The following SUSD3 variants were observed in gnomAD, a reference collection of about 807,000 sequenced individuals.
SUSD3 encodes the protein sushi domain-containing protein 3.
Under a neutral mutation model 20.6 loss-of-function variants are expected in SUSD3, and 18 were observed. The ratio of observed to expected loss-of-function variants is 0.87; its 90% CI spans 0.60 to 1.30. The LOEUF (loss-of-function observed/expected upper bound fraction) is 1.30, where lower values mean the gene tolerates loss of function less well. Among genes scored for constraint, SUSD3 ranks in the 50% most tolerant of loss-of-function variants. The probability of loss-of-function intolerance (pLI) is 0.00; values close to 1 mark genes in which losing one functional copy is unlikely to be tolerated. For synonymous variants in SUSD3, 137 were observed against 141.5 expected (o/e 0.97, Z 0.23); for missense variants, 306 against 346.9 (o/e 0.88, Z 0.94).
Position 93,084,948 on chromosome 9 carries a change from G to C in SUSD3, c.*201G>C. The C allele has an allele frequency of 2.2e-6, 1 of 461,056 alleles. No individual in the cohort carries two copies. The highest frequency in any genetic ancestry group is 3.7e-6 in the Non-Finnish European group (1 of 267,104). The allele number at this position is 461,056 out of a possible 1,614,324, so 28.6% of individuals were successfully genotyped here. A position where few individuals can be genotyped will look rare whatever the true frequency, so the allele number is the denominator to read the frequency against. On this transcript the variant is annotated 3_prime_UTR_variant, in exon 5 of 5. Coordinates refer to ENST00000375472, the MANE Select transcript of SUSD3 (RefSeq NM_145006.4). ...ACCCCAGTGGGGAGTGTTCTGTTCC[G>C]GCATATCCTGGCCGTAACGATTTTT...
intron 1 of SUSD3, among the ~76,000 whole-genome samples, chr9:93,065,202 G>A (rs1825660227): frequency 6.6e-6 from 1 of 152,206 alleles, no homozygotes; most frequent in Non-Finnish European, 1.5e-5. Context: ...CAGCAGAGTT[G>A]AAAGAATTTT....
intron 4 of SUSD3, 149 bp downstream of exon 4, chr9:93,079,751 A>C: frequency 2.5e-6 from 2 of 790,776 alleles, no homozygotes; most frequent in Non-Finnish European, 3.9e-6. Context: ...CTCTAAAACA[A>C]GAGGCTGGTG....
At chr9:93,065,438 C>G (rs1311715469) in intron 1 of SUSD3, among the ~76,000 whole-genome samples, 1 of 152,250 alleles carries the variant, frequency 6.6e-6, no homozygotes, top group South Asian at 2.1e-4. Flanking sequence ...CCCTCGCCAA[C>G]CTCTCCTCCC....
chr9:93,072,727 G>A (rs917697910), intron 1 of SUSD3, among the ~76,000 whole-genome samples: 17 of 152,238 alleles, frequency 1.1e-4, no homozygotes, highest in Admixed American at 4.6e-4. Context: ...CTGGGGGATG[G>A]TATGCAGCCT....
chr9:93,078,034 C>T, intron 3 of SUSD3, 41 bp downstream of exon 3: 1 of 1,613,330 alleles, frequency 6.2e-7, no homozygotes, highest in Non-Finnish European at 8.5e-7. Context: ...CCGGGAGGCG[C>T]CTCTTGGCAC....
At chr9:93,083,678 C>G (rs1161302013) in intron 4 of SUSD3, among the ~76,000 whole-genome samples, 2 of 152,238 alleles carry the variant, frequency 1.3e-5, no homozygotes, top group Non-Finnish European at 2.9e-5. Flanking sequence ...GTCAGTCTGG[C>G]TCCTGCCTCC....
chr9:93,065,255 G>A (rs530324920), intron 1 of SUSD3, among the ~76,000 whole-genome samples: 4 of 152,270 alleles, frequency 2.6e-5, no homozygotes, highest in East Asian at 1.9e-4. Flanking sequence ...TTCGCATTTC[G>A]CTGTGCCTGC....
At position 93,058,839 on chromosome 9, in the gene SUSD3, TG is replaced by T. The variant is rs1438251539; in HGVS notation, c.88+13del. On this transcript the variant is annotated intron_variant, in intron 1 of 4. Coordinates refer to ENST00000375472, the MANE Select transcript of SUSD3 (RefSeq NM_145006.4). ...CCCAGGGAACCGCACAGGTGAGGGC[TG>T]GGGCCGAGTGGCCGCGTGCGGGGCT... 7.9e-7 allele frequency: 1 copy of T among 1,263,024 alleles called. No individual in the cohort carries two copies. Among genetic ancestry groups the T allele is most frequent in the African/African-American group, 1.5e-5 (1 of 64,550 alleles). 78.2% of individuals were successfully genotyped at this position (1,263,024 alleles called of 1,614,324 possible).
intron 1 of SUSD3, among the ~76,000 whole-genome samples, chr9:93,061,864 G>C: frequency 6.6e-6 from 1 of 152,212 alleles, no homozygotes; most frequent in Non-Finnish European, 1.5e-5. Context: ...GTCTAGGTGA[G>C]ACTGGGTTCA....
rs761842714 is a variant in SUSD3 at position 93,070,078 on chromosome 9, C to T, written c.89-5706C>T. Among the ~76,000 whole-genome samples, 12 of 152,228 alleles carry T rather than the reference C, an allele frequency of 7.9e-5. 1 individual carries two copies. The highest frequency in any genetic ancestry group is 7.7e-4 in the East Asian group (4 of 5,188). On this transcript the variant is annotated intron_variant, in intron 1 of 4. Transcript: ENST00000375472. ...ACAGGCATGAGCCACCATGCCTGGC[C>T]GAGCCATTTGTTTTTCTTTTCTAAC...
rs80286741 is a variant in SUSD3 at position 93,061,804 on chromosome 9, T to C, written c.88+2974T>C. 6.8e-3 allele frequency among the ~76,000 whole-genome samples: 1,037 copies of C among 152,332 alleles called. 13 individuals are homozygous for C. The highest frequency in any genetic ancestry group is 0.023 in the African/African-American group (975 of 41,574). ...GTTCCTGTTTCACATTTGGGGGAACTGAGACCCAGATTGAGGTCACACAGG... is the reference window on the plus strand; with the variant it reads ...GTTCCTGTTTCACATTTGGGGGAACCGAGACCCAGATTGAGGTCACACAGG... On this transcript the variant is annotated intron_variant, in intron 1 of 4. Transcript: ENST00000375472.
intron 1 of SUSD3, among the ~76,000 whole-genome samples, chr9:93,066,201 G>A (rs1435373950): frequency 2.6e-5 from 4 of 152,158 alleles, no homozygotes; most frequent in Non-Finnish European, 5.9e-5. Context: ...TTTTAACCCT[G>A]ACAGAGATAA....
chr9:93,083,034 G>A (rs1377579299), intron 4 of SUSD3, among the ~76,000 whole-genome samples: 1 of 152,220 alleles, frequency 6.6e-6, no homozygotes, highest in Non-Finnish European at 1.5e-5. Context: ...AGTGGCCACA[G>A]ATCTGTGTAC....
Position 93,075,972 on chromosome 9 carries a change from C to A in SUSD3, c.277C>A (p.Leu93Met). 6.3e-7 allele frequency: 1 copy of A among 1,586,730 alleles called. No homozygotes were observed. Residue 93 changes from leucine to methionine, a missense_variant and splice_region_variant, in exon 2 of 5, where the codon CTG becomes ATG. Transcript: ENST00000375472. ...GTCTTCAGGGTCCCCAGTGTGCAAA[C>A]GTAAGGACCCCTCTCTCAGCTCGGT... is the stretch of plus-strand genomic sequence containing the variant. ...EWSSGSPVCKLVPPHETFGFK... is the reference protein window; with the variant it reads ...EWSSGSPVCKMVPPHETFGFK...
chr9:93,065,041 G>C (rs1825654596), intron 1 of SUSD3, among the ~76,000 whole-genome samples: 1 of 152,218 alleles, frequency 6.6e-6, no homozygotes, highest in Admixed American at 6.5e-5. Context: ...GCTCAGCAGT[G>C]GTTAAATGTC....
intron 1 of SUSD3, 35 bp from the exon 2 acceptor site, chr9:93,075,749 C>CCCCCCCA: frequency 4.6e-6 from 1 of 215,698 alleles, no homozygotes; most frequent in Non-Finnish European, 9.1e-6. Flanking sequence ...CACCCCCCCC[C>CCCCCCCA]CCCCGCCATG....
chr9:93,075,736 G>GGGGGGCCCCCC, intron 1 of SUSD3, 48 bp from the exon 2 acceptor site: 1 of 272,216 alleles, frequency 3.7e-6, no homozygotes. Context: ...TGCCCTGCGT[G>GGGGGGCCCCCC]CCCACCCCCC....
intron 1 of SUSD3, among the ~76,000 whole-genome samples, chr9:93,074,060 C>T (rs1826022108): frequency 6.6e-6 from 1 of 152,284 alleles, no homozygotes; most frequent in Non-Finnish European, 1.5e-5. Context: ...CATCCAGCCA[C>T]AGTAATCTTC....
At chr9:93,080,075 C>A (rs1337382983) in intron 4 of SUSD3, among the ~76,000 whole-genome samples, 1 of 152,146 alleles carries the variant, frequency 6.6e-6, no homozygotes, top group Non-Finnish European at 1.5e-5. Flanking sequence ...CACCTGTAAT[C>A]CCAGCAGTTT....
Sources: allele counts gnomAD v4.1 joint callset (sites outside exome capture counted in the v4.1 genomes callset), GRCh38; gene constraint gnomAD v4.1.1; transcripts MANE v1.5; gene names NCBI Gene and HGNC (gene_info 2026-07-23, HGNC 2026-07-21).